The following MAP3K5 variants were observed in gnomAD, a reference collection of about 807,000 sequenced individuals.
MAP3K5 encodes the protein mitogen-activated protein kinase kinase kinase 5.
In MAP3K5, 56 loss-of-function variants were observed where a neutral mutation model predicts 158.7. The ratio of observed to expected loss-of-function variants is 0.35; its 90% CI spans 0.28 to 0.44. MAP3K5 has a LOEUF of 0.44. MAP3K5 is among the 20% of genes least tolerant of loss of function. The probability of loss-of-function intolerance (pLI) is 1.00; values close to 1 mark genes in which losing one functional copy is unlikely to be tolerated. For missense variants in MAP3K5, 1,294 were observed against 1,674.8 expected (o/e 0.77, Z 3.97); for synonymous variants, 579 against 601.7 (o/e 0.96, Z 0.55).
intron 1 of MAP3K5, among the ~76,000 whole-genome samples, chr6:136,736,128 T>A (rs1474805226): frequency 2.6e-5 from 4 of 152,164 alleles, no homozygotes; most frequent in African/African-American, 9.7e-5. Context: ...GTTTTCCTCT[T>A]GTAATTATGG....
chr6:136,733,774 A>G (rs962447649), intron 1 of MAP3K5, among the ~76,000 whole-genome samples: 2 of 144,534 alleles, frequency 1.4e-5, no homozygotes, highest in Non-Finnish European at 2.9e-5. Flanking sequence ...ATTTTTTACA[A>G]CTGATGAGCC....
chr6:136,785,177 T>C (rs980006943), intron 1 of MAP3K5, among the ~76,000 whole-genome samples: 1 of 152,240 alleles, frequency 6.6e-6, no homozygotes, highest in Non-Finnish European at 1.5e-5. Flanking sequence ...TGTTCTGTTT[T>C]GTTTTATTGT....
At chr6:136,780,890 T>C (rs1784586523) in intron 1 of MAP3K5, among the ~76,000 whole-genome samples, 2 of 152,190 alleles carry the variant, frequency 1.3e-5, no homozygotes, top group South Asian at 4.1e-4. Flanking sequence ...CTGCTTCCCT[T>C]AGCTTCAGTT....
chr6:136,690,637 G>A (rs1210275413), intron 7 of MAP3K5, among the ~76,000 whole-genome samples: 1 of 152,012 alleles, frequency 6.6e-6, no homozygotes, highest in African/African-American at 2.4e-5. Context: ...TGAATAACCT[G>A]TTCATATCCT....
chr6:136,739,709 C>T (rs2114869478), intron 1 of MAP3K5, among the ~76,000 whole-genome samples: 1 of 152,264 alleles, frequency 6.6e-6, no homozygotes, highest in East Asian at 1.9e-4. Flanking sequence ...CTGAAGGGGG[C>T]AGACCAGGGC....
At chr6:136,629,612 A>G (rs902662348) in intron 14 of MAP3K5, among the ~76,000 whole-genome samples, 52 of 151,514 alleles carry the variant, frequency 3.4e-4, no homozygotes, top group African/African-American at 1.1e-3. Context: ...CCGCCACCAC[A>G]CCCAGCTAAT....
At chr6:136,628,026 T>A (rs1331689192) in intron 14 of MAP3K5, among the ~76,000 whole-genome samples, 1 of 152,236 alleles carries the variant, frequency 6.6e-6, no homozygotes, top group Non-Finnish European at 1.5e-5. Flanking sequence ...AGAACTTTTT[T>A]AGAAAAGAAC....
chr6:136,771,870 T>C (rs1364390297), intron 1 of MAP3K5, among the ~76,000 whole-genome samples: 2 of 152,180 alleles, frequency 1.3e-5, no homozygotes, highest in African/African-American at 4.8e-5. Context: ...GAGAGCTGAT[T>C]TTCAAAATAG....
intron 1 of MAP3K5, among the ~76,000 whole-genome samples, chr6:136,769,153 C>T (rs1784076574): frequency 6.6e-6 from 1 of 152,204 alleles, no homozygotes; most frequent in South Asian, 2.1e-4. Context: ...CACCATACAA[C>T]AGGATAGTAT....
At chr6:136,664,285 C>T (rs146848585) in intron 8 of MAP3K5, among the ~76,000 whole-genome samples, 209 of 152,074 alleles carry the variant, frequency 1.4e-3, no homozygotes, top group African/African-American at 4.7e-3. Context: ...TGTCTCCCAT[C>T]CCCCCAGATG....
At chr6:136,735,066 A>G (rs1170618151) in intron 1 of MAP3K5, among the ~76,000 whole-genome samples, 5 of 152,256 alleles carry the variant, frequency 3.3e-5, no homozygotes, top group Non-Finnish European at 7.3e-5. Flanking sequence ...ACATTCTCTG[A>G]TGATGTTCAG....
chr6:136,722,062 T>C (rs913814875), intron 1 of MAP3K5, among the ~76,000 whole-genome samples: 1 of 152,174 alleles, frequency 6.6e-6, no homozygotes, highest in Non-Finnish European at 1.5e-5. Context: ...TGCAATAAGA[T>C]TTCTAGAAAG....
rs375697628 is a variant in MAP3K5, at chr6:136,661,007, TGA to T, written c.1367-1631_1367-1630del. Among the ~76,000 whole-genome samples the T allele has an allele frequency of 3.4e-3, 517 of 152,244 alleles. 5 individuals are homozygous for T. Among genetic ancestry groups the T allele is most frequent in the African/African-American group, 0.012 (495 of 41,552 alleles). On this transcript the variant is annotated intron_variant, in intron 8 of 29. Transcript: ENST00000359015. ...TATCTTAACATTTCTTTGTTGTCTA[TGA>T]ATAGAAATGTTTTTTGAACTGGACA...
At chr6:136,705,976 G>T (rs747276505) in intron 2 of MAP3K5, among the ~76,000 whole-genome samples, 8 of 152,180 alleles carry the variant, frequency 5.3e-5, no homozygotes, top group Non-Finnish European at 1.2e-4. Flanking sequence ...TGGGATAAAT[G>T]GCCGGGTGCA....
intron 8 of MAP3K5, among the ~76,000 whole-genome samples, chr6:136,659,596 C>T (rs1180126388): frequency 6.6e-6 from 1 of 152,112 alleles, no homozygotes; most frequent in Non-Finnish European, 1.5e-5. Flanking sequence ...GGAAAACATG[C>T]TAAATTAAAT....
chr6:136,566,003 CAG>C (rs2129069489), intron 26 of MAP3K5, among the ~76,000 whole-genome samples: 1 of 152,288 alleles, frequency 6.6e-6, no homozygotes, highest in Admixed American at 6.5e-5. Context: ...GTCTTTTCAA[CAG>C]AGATGGGCAG....
intron 21 of MAP3K5, among the ~76,000 whole-genome samples, chr6:136,599,954 G>A (rs1463694370): frequency 3.9e-5 from 6 of 152,214 alleles, no homozygotes; most frequent in Middle Eastern, 3.4e-3. Context: ...CTTCTTCTGA[G>A]TTTCCCCAGA....
chr6:136,718,970 G>C (rs956016427), intron 2 of MAP3K5, among the ~76,000 whole-genome samples: 5 of 152,080 alleles, frequency 3.3e-5, no homozygotes, highest in African/African-American at 1.2e-4. Flanking sequence ...GAACCCAGGA[G>C]TTCAAGACCA....
chr6:136,761,224 T>G (rs908305809), intron 1 of MAP3K5, among the ~76,000 whole-genome samples: 9 of 150,654 alleles, frequency 6.0e-5, no homozygotes, highest in Admixed American at 3.3e-4. Flanking sequence ...GGACAAATAC[T>G]TGTAGAGCAC....
Sources: allele counts gnomAD v4.1 joint callset (sites outside exome capture counted in the v4.1 genomes callset), GRCh38; gene constraint gnomAD v4.1.1; transcripts MANE v1.5; gene names NCBI Gene and HGNC (gene_info 2026-07-23, HGNC 2026-07-21).